LRRC8C: variants seen among roughly 807,000 people sequenced by gnomAD.
The protein encoded by LRRC8C is volume-regulated anion channel subunit LRRC8C.
Under a neutral mutation model 55.3 loss-of-function variants are expected in LRRC8C, and 20 were observed. The ratio of observed to expected loss-of-function variants is 0.36; its 90% confidence interval spans 0.25 to 0.53. LRRC8C has a LOEUF of 0.53. Ranked by LOEUF, LRRC8C falls within the 20% of genes least tolerant of loss-of-function variation. LRRC8C has a pLI of 0.92. For missense variants in LRRC8C, 659 were observed against 951.4 expected (o/e 0.69, Z 4.04); for synonymous variants, 376 against 360.7 (o/e 1.04, Z -0.48).
rs193266761 is a variant in LRRC8C, at chr1:89,704,773, A to G, written c.139-7936A>G. On this transcript the variant is annotated intron_variant, in intron 2 of 2. Transcript: ENST00000370454. ...GCGATCATTAAAAAGTCAGGAAACA[A>G]CAGGTACTGGAGAGGATGTGGAGAA... Among the ~76,000 whole-genome samples the G allele has an allele frequency of 6.6e-5, 10 of 152,298 alleles. No individual in the cohort carries two copies. In the East Asian group the frequency reaches 1.9e-3, roughly 29 times the overall value.
intron 1 of LRRC8C, among the ~76,000 whole-genome samples, chr1:89,685,422 A>G (rs974164188): frequency 1.3e-5 from 2 of 152,148 alleles, no homozygotes; most frequent in Non-Finnish European, 2.9e-5. Context: ...GCCATTGTCT[A>G]TCTAGTTCTT....
upstream of LRRC8C, among the ~76,000 whole-genome samples, chr1:89,631,162 G>A (rs1219168337): frequency 6.6e-6 from 1 of 152,152 alleles, no homozygotes; most frequent in Admixed American, 6.5e-5. Flanking sequence ...AAAGTGATTG[G>A]CACTGTTCTT....
At chr1:89,693,968 G>A (rs1414027866) in intron 2 of LRRC8C, among the ~76,000 whole-genome samples, 3 of 151,770 alleles carry the variant, frequency 2.0e-5, no homozygotes, top group African/African-American at 7.3e-5. Context: ...GTTGTATAAA[G>A]TTTCCATGTA....
chr1:89,628,546 C>T (rs1488417274), upstream of LRRC8C, among the ~76,000 whole-genome samples: 1 of 152,132 alleles, frequency 6.6e-6, no homozygotes, highest in Non-Finnish European at 1.5e-5. Flanking sequence ...GAGCCACCTT[C>T]TCTTGGCCCA....
intron 1 of LRRC8C, among the ~76,000 whole-genome samples, chr1:89,641,485 T>C (rs749307911): frequency 1.3e-5 from 2 of 152,222 alleles, no homozygotes; most frequent in Non-Finnish European, 1.5e-5. Context: ...ATTAGGAATA[T>C]GTGTTTCTTC....
At chr1:89,633,828 C>T (rs1489082288) in intron 1 of LRRC8C, among the ~76,000 whole-genome samples, 2 of 152,186 alleles carry the variant, frequency 1.3e-5, no homozygotes, top group East Asian at 1.9e-4. Context: ...GTGAGAGCAC[C>T]GTGTGCTCAC....
intron 2 of LRRC8C, among the ~76,000 whole-genome samples, chr1:89,695,924 G>A (rs916904868): frequency 5.9e-5 from 9 of 152,164 alleles, no homozygotes; most frequent in Non-Finnish European, 1.5e-5. Context: ...GAAAAAAATG[G>A]TGATAAAATA....
intron 1 of LRRC8C, among the ~76,000 whole-genome samples, chr1:89,644,336 G>A (rs1013914477): frequency 9.2e-5 from 14 of 152,120 alleles, no homozygotes; most frequent in African/African-American, 3.1e-4. Context: ...CACCGCACCC[G>A]GCTAATGTTT....
the LRRC8C span, among the ~76,000 whole-genome samples, chr1:89,618,626 G>C: frequency 2.6e-5 from 4 of 152,204 alleles, no homozygotes; most frequent in Admixed American, 2.6e-4. Context: ...AATGCAAAGG[G>C]AGGAAAGGAA....
the LRRC8C span, among the ~76,000 whole-genome samples, chr1:89,621,475 A>G: frequency 3.3e-5 from 5 of 152,082 alleles, no homozygotes; most frequent in African/African-American, 1.2e-4. Flanking sequence ...TCAAAAAAAA[A>G]TTCCTTTCCC....
chr1:89,634,254 A>G (rs936339552), intron 1 of LRRC8C, among the ~76,000 whole-genome samples: 1 of 152,256 alleles, frequency 6.6e-6, no homozygotes, highest in African/African-American at 2.4e-5. Flanking sequence ...TTAAAGCCTC[A>G]GCAAACGTTA....
chr1:89,616,943 A>C, the LRRC8C span, among the ~76,000 whole-genome samples: 1 of 152,184 alleles, frequency 6.6e-6, no homozygotes, highest in Non-Finnish European at 1.5e-5. Context: ...ACGTAAGTAA[A>C]AGCATTTGTT....
At chr1:89,671,057 C>G in intron 1 of LRRC8C, among the ~76,000 whole-genome samples, 1 of 151,506 alleles carries the variant, frequency 6.6e-6, no homozygotes, top group East Asian at 1.9e-4. Context: ...TTTTTTCTTT[C>G]TTTTTATTTT....
Position 89,713,522 on chromosome 1 carries a change from A to G in LRRC8C, c.952A>G (p.Lys318Glu). The G allele has an allele frequency of 6.2e-7, 1 of 1,614,148 alleles. No individual in the cohort carries two copies. Among genetic ancestry groups the G allele is most frequent in the Middle Eastern group, 1.6e-4 (1 of 6,062 alleles). ...CNHTMAHLFS[K>E]LSFCYLCFVS... ...TCATACCATGGCACACTTGTTCTCA[A>G]AACTGTCCTTTTGCTATCTGTGCTT... Residue 318 changes from lysine (K) to glutamate (E), a missense_variant, in exon 3 of 3, where the codon AAA becomes GAA. Physicochemically the swap from Lys to Glu is moderately conservative, Grantham distance 56. This residue lies in a region of LRRC8C where 200 missense variants were observed against 360.5 expected (regional missense o/e 0.55). Coordinates refer to ENST00000370454, the MANE Select transcript of LRRC8C (RefSeq NM_032270.5). This position sits in a 1 kb window ranked among gnomAD's most constrained non-coding sequence, Gnocchi z 5.2.
chr1:89,672,589 A>G (rs991232535), intron 1 of LRRC8C, among the ~76,000 whole-genome samples: 14 of 152,172 alleles, frequency 9.2e-5, no homozygotes, highest in African/African-American at 3.4e-4. Context: ...ATCTCCATTG[A>G]TAATCTATTC....
At chr1:89,635,282 A>G (rs1312995331) in intron 1 of LRRC8C, among the ~76,000 whole-genome samples, 1 of 152,224 alleles carries the variant, frequency 6.6e-6, no homozygotes, top group Non-Finnish European at 1.5e-5. Context: ...ATAGTCACCT[A>G]TGACATTATA....
At chr1:89,677,208 A>T (rs1412974914) in intron 1 of LRRC8C, among the ~76,000 whole-genome samples, 2 of 152,218 alleles carry the variant, frequency 1.3e-5, no homozygotes, top group Non-Finnish European at 2.9e-5. Context: ...CCTTAGAAAA[A>T]TAGGTTAAGC....
upstream of LRRC8C, chr1:89,632,962 T>TGGCACCGCGGAGTC (rs1434447019): frequency 6.6e-6 from 1 of 152,228 alleles, no homozygotes; most frequent in African/African-American, 2.4e-5. Context: ...ACAGCGGGGC[T>TGGCACCGCGGAGTC]GGCACCGCGG....
chr1:89,690,509 C>T (rs1265855255), intron 2 of LRRC8C, among the ~76,000 whole-genome samples: 6 of 151,954 alleles, frequency 3.9e-5, no homozygotes, highest in Non-Finnish European at 8.8e-5. Flanking sequence ...AACAAGCACA[C>T]GGAATTGTTT....
Sources: allele counts gnomAD v4.1 joint callset (sites outside exome capture counted in the v4.1 genomes callset), GRCh38; gene constraint gnomAD v4.1.1; regional missense constraint gnomAD v4.1.1; non-coding constraint Gnocchi (gnomAD v3.1); transcripts MANE v1.5; gene names NCBI Gene and HGNC (gene_info 2026-07-23, HGNC 2026-07-21).